The following ADAMTS12 variants were observed in gnomAD, a reference collection of about 807,000 sequenced individuals.
The protein encoded by ADAMTS12 is ADAM metallopeptidase with thrombospondin type 1 motif 12.
In ADAMTS12, 118 loss-of-function variants were observed where a neutral mutation model predicts 167.8. The ratio of observed to expected loss-of-function variants is 0.70; its 90% CI spans 0.61 to 0.82. The LOEUF is 0.82. ADAMTS12 is among the 40% of genes least tolerant of loss of function. The probability of loss-of-function intolerance (pLI) is 0.00; values close to 1 mark genes in which losing one functional copy is unlikely to be tolerated. For missense variants in ADAMTS12, 1,916 were observed against 1,998.8 expected (o/e 0.96, Z 0.79); for synonymous variants, 704 against 716.9 (o/e 0.98, Z 0.29).
At chr5:33,588,468 A>T in intron 18 of ADAMTS12, 131 bp downstream of exon 18, 1 of 1,047,336 alleles carries the variant, frequency 9.5e-7, no homozygotes, top group Non-Finnish European at 1.5e-6. Context: ...GGCAGGAGAC[A>T]GGCCAGGGGT....
At chr5:33,677,343 C>T (rs1453931533) in intron 5 of ADAMTS12, among the ~76,000 whole-genome samples, 1 of 152,118 alleles carries the variant, frequency 6.6e-6, no homozygotes, top group Non-Finnish European at 1.5e-5. Flanking sequence ...CATGACAATG[C>T]TATGAAATAC....
At chr5:33,748,264 G>C (rs1256539273) in intron 3 of ADAMTS12, among the ~76,000 whole-genome samples, 1 of 152,160 alleles carries the variant, frequency 6.6e-6, no homozygotes, top group Non-Finnish European at 1.5e-5. Flanking sequence ...TGTCATCGTT[G>C]ATAAAATGAG....
At chr5:33,553,951 C>T (rs1745375860) in intron 20 of ADAMTS12, among the ~76,000 whole-genome samples, 1 of 152,210 alleles carries the variant, frequency 6.6e-6, no homozygotes, top group African/African-American at 2.4e-5. Context: ...CCCACTTTCC[C>T]TTCATTGAGC....
chr5:33,569,595 T>C (rs1423739757), intron 19 of ADAMTS12, among the ~76,000 whole-genome samples: 1 of 152,148 alleles, frequency 6.6e-6, no homozygotes, highest in African/African-American at 2.4e-5. Context: ...AACCCATCTG[T>C]ACATCACCAT....
chr5:33,630,781 T>G lies in ADAMTS12; in HGVS notation c.2021A>C (p.Lys674Thr), dbSNP rs769122165. ...AGATTAAGGAAACATACCCAATACC[T>G]TACATATGCCATTAATACAGACATT... ...SRNVCINGICKMVGCDYEIDS... is the reference protein window; with the variant it reads ...SRNVCINGICTMVGCDYEIDS... Residue 674 changes from lysine to threonine, a missense_variant and splice_region_variant, in exon 13 of 24, where the codon AAG becomes ACG. Coordinates refer to ENST00000504830, the MANE Select transcript of ADAMTS12 (RefSeq NM_030955.4). The G allele has an allele frequency of 7.4e-6, 12 of 1,612,262 alleles. No individual in the cohort carries two copies. In the South Asian group the frequency reaches 1.1e-4, roughly 15 times the overall value.
chr5:33,844,205 G>C (rs1018632285), intron 2 of ADAMTS12, among the ~76,000 whole-genome samples: 1 of 152,142 alleles, frequency 6.6e-6, no homozygotes, highest in Non-Finnish European at 1.5e-5. Context: ...TGCAGAGCAT[G>C]TGTGTTTGAA....
chr5:33,549,286 A>G lies in ADAMTS12; in HGVS notation c.4223T>C (p.Leu1408Pro), dbSNP rs1358106493. The G allele has an allele frequency of 6.2e-7, 1 of 1,614,194 alleles. No homozygotes were observed. Among genetic ancestry groups the G allele is most frequent in the South Asian group, 1.1e-5 (1 of 91,068 alleles). Residue 1408 changes from leucine to proline, a missense_variant, in exon 21 of 24, where the codon CTG becomes CCG. Physicochemically the swap from Leu to Pro is moderately conservative, Grantham distance 98 (BLOSUM62 -3). Coordinates refer to ENST00000504830, the MANE Select transcript of ADAMTS12 (RefSeq NM_030955.4). ...GCTCAATGGGGGAGGAATGCCGGCCAGGAACTGGCAGTGAAATGGCCTCAG... is the reference window on the plus strand; with the variant it reads ...GCTCAATGGGGGAGGAATGCCGGCCGGGAACTGGCAGTGAAATGGCCTCAG... ...RNLRPFHCQF[L>P]AGIPPPLSMS... is the part of the protein sequence containing the mutation.
At chr5:33,545,682 T>TA (rs1330049436) in intron 22 of ADAMTS12, among the ~76,000 whole-genome samples, 1 of 151,966 alleles carries the variant, frequency 6.6e-6, no homozygotes, top group Admixed American at 6.6e-5. Context: ...TATGCAGCCA[T>TA]AAAAAAGGAT....
chr5:33,615,790 A>G, intron 15 of ADAMTS12, 38 bp downstream of exon 15: 6 of 1,611,634 alleles, frequency 3.7e-6, no homozygotes, highest in Non-Finnish European at 5.1e-6. Context: ...TATTCTAACT[A>G]GCACACATGT....
intron 6 of ADAMTS12, among the ~76,000 whole-genome samples, chr5:33,659,379 A>G (rs968995778): frequency 6.6e-6 from 1 of 152,162 alleles, no homozygotes; most frequent in Non-Finnish European, 1.5e-5. Context: ...CGTAACTTCT[A>G]GGTCTGTAAG....
At chr5:33,683,740 T>C in intron 4 of ADAMTS12, 119 bp downstream of exon 4, 2 of 603,820 alleles carry the variant, frequency 3.3e-6, no homozygotes, top group Non-Finnish European at 2.5e-6. Context: ...TAGATTCACA[T>C]ATATATTTAT....
chr5:33,726,838 G>A (rs1185929754), intron 3 of ADAMTS12, among the ~76,000 whole-genome samples: 1 of 151,974 alleles, frequency 6.6e-6, no homozygotes, highest in Non-Finnish European at 1.5e-5. Flanking sequence ...CCTTACATGT[G>A]TGTGGTGCCC....
At chr5:33,730,857 T>G (rs897644836) in intron 3 of ADAMTS12, among the ~76,000 whole-genome samples, 3 of 152,246 alleles carry the variant, frequency 2.0e-5, no homozygotes, top group Non-Finnish European at 4.4e-5. Context: ...ATTATTGTCC[T>G]GAAGTTCTTC....
chr5:33,628,473 T>C (rs1481840847), intron 13 of ADAMTS12, among the ~76,000 whole-genome samples: 6 of 152,158 alleles, frequency 3.9e-5, no homozygotes, highest in Non-Finnish European at 8.8e-5. Flanking sequence ...CAAATTCAGT[T>C]CTGATCAGGG....
At chr5:33,550,100 C>T (rs967481145) in intron 20 of ADAMTS12, among the ~76,000 whole-genome samples, 1 of 152,182 alleles carries the variant, frequency 6.6e-6, no homozygotes, top group Non-Finnish European at 1.5e-5. Context: ...CACTCCCTTC[C>T]TCTCTGACCC....
chr5:33,661,952 T>C lies in ADAMTS12; in HGVS notation c.1004A>G (p.Asn335Ser). Residue 335 changes from asparagine to serine, a missense_variant, in exon 6 of 24, where the codon AAT becomes AGT. Coordinates refer to ENST00000504830, the MANE Select transcript of ADAMTS12 (RefSeq NM_030955.4). ...QKSINPKSDL[N>S]PVHHDVAVLL... ...GACAGCCACGTCGTGATGAACAGGA[T>C]TGAGGTCACTCTTGGGATTGATACT... The C allele has an allele frequency of 4.3e-6, 7 of 1,613,538 alleles. No individual in the cohort carries two copies. Among genetic ancestry groups the C allele is most frequent in the Non-Finnish European group, 5.9e-6 (7 of 1,179,622 alleles).
intron 19 of ADAMTS12, among the ~76,000 whole-genome samples, chr5:33,570,044 G>C (rs1746236745): frequency 6.6e-6 from 1 of 152,122 alleles, no homozygotes; most frequent in Admixed American, 6.5e-5. Flanking sequence ...GAAGTTTAGA[G>C]AAAAAAGAAT....
chr5:33,703,306 A>G (rs1414890675), intron 3 of ADAMTS12, among the ~76,000 whole-genome samples: 2 of 152,220 alleles, frequency 1.3e-5, no homozygotes, highest in Non-Finnish European at 2.9e-5. Flanking sequence ...GTGTTTAAAG[A>G]TAAGTGTATA....
intron 5 of ADAMTS12, among the ~76,000 whole-genome samples, chr5:33,662,491 G>A (rs1008926272): frequency 6.6e-6 from 1 of 152,210 alleles, no homozygotes; most frequent in Non-Finnish European, 1.5e-5. Flanking sequence ...TGCACTGGAT[G>A]TTTTCTAACC....
Sources: gnomAD v4.1 joint callset for allele counts (sites outside exome capture counted in the v4.1 genomes callset) on GRCh38, gnomAD v4.1.1 for gene constraint, MANE v1.5 for transcripts, NCBI Gene and HGNC (gene_info 2026-07-23, HGNC 2026-07-21) for gene names.